Variants in IGF2BP2 observed in about 807,000 individuals in gnomAD.
IGF2BP2 encodes insulin-like growth factor 2 mRNA-binding protein 2.
IGF2BP2 carries 17 observed loss-of-function variants against 75.8 expected under a neutral mutation model. The observed-to-expected ratio is 0.22, with a 90% confidence interval of 0.15 to 0.34. The LOEUF is 0.34. Among genes scored for constraint, IGF2BP2 ranks in the 10% least tolerant of loss-of-function variants. The probability of loss-of-function intolerance (pLI) is 1.00; values close to 1 mark genes in which losing one functional copy is unlikely to be tolerated. For missense variants in IGF2BP2, 516 were observed against 772.4 expected, an observed-to-expected ratio of 0.67 and a Z score of 3.93; for synonymous variants, 288 against 295.6, an observed-to-expected ratio of 0.97 and a Z score of 0.26.
chr3:185,796,457 G>A (rs1441979983), intron 2 of IGF2BP2, among the ~76,000 whole-genome samples: 2 of 151,824 alleles, frequency 1.3e-5, no homozygotes, highest in Non-Finnish European at 2.9e-5. Context: ...CAGCTACTCA[G>A]GGGCCTGAGG....
intron 2 of IGF2BP2, among the ~76,000 whole-genome samples, chr3:185,723,802 G>C (rs1269505999): frequency 6.6e-6 from 1 of 152,196 alleles, no homozygotes; most frequent in African/African-American, 2.4e-5. Flanking sequence ...GGAGCTCAGA[G>C]GAAAGGCTAT....
At chr3:185,702,767 CCTT>C (rs1723491206) in intron 2 of IGF2BP2, among the ~76,000 whole-genome samples, 1 of 152,126 alleles carries the variant, frequency 6.6e-6, no homozygotes, top group South Asian at 2.1e-4. Context: ...TTTAAACACT[CCTT>C]CACACCAAGC....
chr3:185,823,068 G>C (rs1741568293), intron 2 of IGF2BP2, 85 bp downstream of exon 2: 1 of 798,828 alleles, frequency 1.3e-6, no homozygotes, highest in Non-Finnish European at 1.9e-6. Context: ...AAACTACCAA[G>C]AGCACGTTTT....
At chr3:185,708,894 C>T (rs189451151) in intron 2 of IGF2BP2, among the ~76,000 whole-genome samples, 18 of 152,190 alleles carry the variant, frequency 1.2e-4, no homozygotes, top group Non-Finnish European at 2.6e-4. Context: ...TGCATGCCTG[C>T]TTTCAGTTTT....
rs546148581 is a variant in IGF2BP2 at position 185,643,466 on chromosome 3, A to G, written c.*2065T>C. On this transcript the variant is annotated 3_prime_UTR_variant, in exon 16 of 16. Coordinates refer to ENST00000382199, the MANE Select transcript of IGF2BP2 (RefSeq NM_006548.6). ...GAAAAGGTTGCTGGGCCTCACCCCC[A>G]GGATTTCTGATTCAAGGTGGACCCC... Among the ~76,000 whole-genome samples, 1 of 152,348 alleles carries G rather than the reference A, an allele frequency of 6.6e-6. No individual in the cohort carries two copies. Among genetic ancestry groups the G allele is most frequent in the Non-Finnish European group, 1.5e-5 (1 of 68,026 alleles).
At chr3:185,665,497 GAGGAGA>G (rs1253326483) in intron 10 of IGF2BP2, among the ~76,000 whole-genome samples, 2,272 of 36,612 alleles carry the variant, frequency 0.062, 331 homozygotes, top group African/African-American at 0.29. Flanking sequence ...GGAGAAGGAG[GAGGAGA>G]AGGAGGAGGA....
intron 2 of IGF2BP2, among the ~76,000 whole-genome samples, chr3:185,702,539 C>T (rs1376782947): frequency 6.6e-6 from 1 of 152,084 alleles, no homozygotes; most frequent in African/African-American, 2.4e-5. Context: ...AAGATGAAAC[C>T]AAGCTTCTCT....
intron 2 of IGF2BP2, among the ~76,000 whole-genome samples, chr3:185,713,941 T>G (rs1487161749): frequency 6.6e-6 from 1 of 152,246 alleles, no homozygotes; most frequent in African/African-American, 2.4e-5. Context: ...CCTCAGGTGA[T>G]CCGCCCATCT....
At position 185,643,779 on chromosome 3, in the gene IGF2BP2, CTTTTTTTTTTTT is replaced by C. The variant is rs933340628; in HGVS notation, c.*1740_*1751del. 218 of 111,982 alleles carry C rather than the reference CTTTTTTTTTTTT, an allele frequency of 1.9e-3. No individual in the cohort carries two copies. The highest frequency in any genetic ancestry group is 7.2e-3 in the African/African-American group (203 of 28,152). The allele number at this position is 111,982 out of a possible 1,614,324, so 6.9% of individuals were successfully genotyped here. On this transcript the variant is annotated 3_prime_UTR_variant, in exon 16 of 16. Coordinates refer to ENST00000382199, the MANE Select transcript of IGF2BP2 (RefSeq NM_006548.6). ...ATATTTCTGTTTTTTCTTTTTTTTT[CTTTTTTTTTTTT>C]TTTTTTTTGTCACAGAACACTGTTT...
intron 13 of IGF2BP2, among the ~76,000 whole-genome samples, chr3:185,650,564 C>T (rs1714421399): frequency 6.6e-6 from 1 of 152,016 alleles, no homozygotes; most frequent in Non-Finnish European, 1.5e-5. Context: ...GTAATTCCAG[C>T]TACTCAGGAG....
intron 3 of IGF2BP2, among the ~76,000 whole-genome samples, chr3:185,697,374 G>A (rs978922971): frequency 2.0e-5 from 3 of 150,940 alleles, no homozygotes; most frequent in Non-Finnish European, 4.4e-5. Flanking sequence ...CGAAGTGCTG[G>A]GATTTACAGG....
In IGF2BP2 at chr3:185,672,568, G is replaced by A. The variant is rs573878816; in HGVS notation, c.1173C>T (p.Pro391=). ...LSPPAGPRGA[P]PAAPYHPFTT... ...TGAAGGGGTGGTAGGGGGCAGCGGG[G>A]GGAGCTCCGCGGGGCCCTGCTGGTG... Residue 391 remains proline, a synonymous_variant, in exon 10 of 16, where the codon CCC becomes CCT. Coordinates refer to ENST00000382199, the MANE Select transcript of IGF2BP2 (RefSeq NM_006548.6). 5 of 1,613,406 alleles carry A rather than the reference G, an allele frequency of 3.1e-6. No individual in the cohort carries two copies. The highest frequency in any genetic ancestry group is 1.1e-5 in the South Asian group (1 of 90,962).
intron 2 of IGF2BP2, among the ~76,000 whole-genome samples, chr3:185,771,919 T>C (rs1158480648): frequency 6.6e-6 from 1 of 152,106 alleles, no homozygotes; most frequent in Non-Finnish European, 1.5e-5. Context: ...CTGGAGGCGG[T>C]GTTTATATCC....
intron 2 of IGF2BP2, among the ~76,000 whole-genome samples, chr3:185,702,094 T>C (rs1723386151): frequency 6.6e-6 from 1 of 152,194 alleles, no homozygotes; most frequent in Non-Finnish European, 1.5e-5. Flanking sequence ...AGCTCACTCT[T>C]CGCCATAATT....
intron 2 of IGF2BP2, among the ~76,000 whole-genome samples, chr3:185,745,643 C>A (rs988660981): frequency 6.6e-6 from 1 of 152,140 alleles, no homozygotes; most frequent in South Asian, 2.1e-4. Context: ...CTTCCCTCAG[C>A]CCCCACAACT....
intron 2 of IGF2BP2, among the ~76,000 whole-genome samples, chr3:185,714,460 TA>T (rs1290802723): frequency 1.3e-5 from 2 of 152,230 alleles, no homozygotes; most frequent in Non-Finnish European, 2.9e-5. Context: ...AGTGAAATCC[TA>T]AAAGTGGAAC....
chr3:185,760,158 A>G (rs570798363), intron 2 of IGF2BP2, among the ~76,000 whole-genome samples: 1 of 152,296 alleles, frequency 6.6e-6, no homozygotes, highest in African/African-American at 2.4e-5. Context: ...CTCTTTTTAC[A>G]GTTAGCCAAT....
intron 9 of IGF2BP2, among the ~76,000 whole-genome samples, chr3:185,672,989 C>A (rs779381222): frequency 6.6e-6 from 1 of 152,198 alleles, no homozygotes. Flanking sequence ...TTCCTAAATA[C>A]CTCTGAGCCC....
chr3:185,673,706 T>A (rs1718872553), intron 9 of IGF2BP2, among the ~76,000 whole-genome samples: 1 of 152,216 alleles, frequency 6.6e-6, no homozygotes, highest in Non-Finnish European at 1.5e-5. Context: ...CTTGCCTTTT[T>A]CTTTTTTTTA....
Sources: gnomAD v4.1 joint callset for allele counts (sites outside exome capture counted in the v4.1 genomes callset) on GRCh38, gnomAD v4.1.1 for gene constraint, MANE v1.5 for transcripts, NCBI Gene and HGNC (gene_info 2026-07-23, HGNC 2026-07-21) for gene names.